Variants in HSDL2 observed in about 807,000 individuals in gnomAD.
The protein encoded by HSDL2 is hydroxysteroid dehydrogenase like 2.
A neutral mutation model predicts 46.3 loss-of-function variants in HSDL2; 27 were observed. The observed-to-expected ratio is 0.58, with a 90% confidence interval of 0.43 to 0.80. The LOEUF (loss-of-function observed/expected upper bound fraction) is 0.80. Among genes scored for constraint, HSDL2 ranks in the 30% least tolerant of loss-of-function variants. The pLI is 0.00. For synonymous variants in HSDL2, 153 were observed against 163.6 expected, an observed-to-expected ratio of 0.94 and a Z score of 0.50; for missense variants, 451 against 502.7, an observed-to-expected ratio of 0.90 and a Z score of 0.98.
At chr9:112,426,160 T>C (rs572291383) in intron 6 of HSDL2, among the ~76,000 whole-genome samples, 1 of 152,206 alleles carries the variant, frequency 6.6e-6, no homozygotes, top group South Asian at 2.1e-4. Context: ...ATAGCCTCTG[T>C]AGTCCGTGGG....
intron 4 of HSDL2, among the ~76,000 whole-genome samples, chr9:112,413,288 G>A (rs1055133991): frequency 1.3e-5 from 2 of 151,968 alleles, no homozygotes; most frequent in African/African-American, 4.8e-5. Context: ...AGACCAGCCC[G>A]ACGAACATGG....
intron 6 of HSDL2, among the ~76,000 whole-genome samples, chr9:112,437,410 T>C (rs1035992409): frequency 2.6e-5 from 4 of 152,148 alleles, no homozygotes; most frequent in Admixed American, 6.5e-5. Context: ...GAGATGCCCA[T>C]GCTTTATATT....
At chr9:112,459,713 C>A (rs1354959223) in intron 10 of HSDL2, 136 bp downstream of exon 10, 4 of 684,440 alleles carry the variant, frequency 5.8e-6, no homozygotes, top group Non-Finnish European at 7.4e-6. Flanking sequence ...GAAGGCTGTT[C>A]TTACTGTTGC....
Position 112,392,830 on chromosome 9 carries a change from A to G in HSDL2, c.18-11165A>G, listed in dbSNP as rs191700637. 5.3e-3 allele frequency among the ~76,000 whole-genome samples: 810 copies of G among 152,354 alleles called. 10 individuals are homozygous for G. The highest frequency in any genetic ancestry group is 0.018 in the African/African-American group (765 of 41,586). Reference sequence around the variant, plus strand: ...GAGGTGACGTACATCCTCAGCTTACAAAGATAACAGGGTTAAGAGATTAAA... The same window carrying G: ...GAGGTGACGTACATCCTCAGCTTACGAAGATAACAGGGTTAAGAGATTAAA... On this transcript the variant is annotated intron_variant, in intron 1 of 10. Transcript: ENST00000398805.
At chr9:112,386,091 TA>T (rs1831212107) in intron 1 of HSDL2, among the ~76,000 whole-genome samples, 1 of 152,020 alleles carries the variant, frequency 6.6e-6, no homozygotes, top group Non-Finnish European at 1.5e-5. Context: ...ATTAAAAAAA[TA>T]TTTTTTTGGT....
At chr9:112,395,269 G>T (rs564503882) in intron 1 of HSDL2, among the ~76,000 whole-genome samples, 1 of 152,326 alleles carries the variant, frequency 6.6e-6, no homozygotes, top group South Asian at 2.1e-4. Flanking sequence ...GATCTCACCA[G>T]GTATGAGGGC....
At chr9:112,406,616 G>A (rs1393516325) in intron 3 of HSDL2, among the ~76,000 whole-genome samples, 2 of 151,780 alleles carry the variant, frequency 1.3e-5, no homozygotes, top group Non-Finnish European at 2.9e-5. Context: ...GATTACAGGC[G>A]CCTGCCACCA....
intron 1 of HSDL2, among the ~76,000 whole-genome samples, chr9:112,385,181 T>TA (rs1392475314): frequency 4.6e-5 from 7 of 152,112 alleles, no homozygotes; most frequent in African/African-American, 1.7e-4. Context: ...AAGGAAGGGA[T>TA]AGTTTTTCAC....
At chr9:112,405,588 C>G in intron 2 of HSDL2, 36 bp from the exon 3 acceptor site, 1 of 1,420,872 alleles carries the variant, frequency 7.0e-7, no homozygotes, top group Admixed American at 1.9e-5. Context: ...TATTTAAATG[C>G]TTTAACGCTT....
At chr9:112,390,264 G>C (rs1381721178) in intron 1 of HSDL2, among the ~76,000 whole-genome samples, 1 of 152,022 alleles carries the variant, frequency 6.6e-6, no homozygotes, top group East Asian at 1.9e-4. Flanking sequence ...GTACAGAATA[G>C]AGAGTCCAAA....
chr9:112,452,155 AT>A (rs914252977), intron 8 of HSDL2, among the ~76,000 whole-genome samples: 2 of 152,090 alleles, frequency 1.3e-5, no homozygotes, highest in Admixed American at 1.3e-4. Context: ...AAGGAAAATG[AT>A]TTTTTTTATT....
At chr9:112,437,135 T>A (rs1832545893) in intron 6 of HSDL2, among the ~76,000 whole-genome samples, 2 of 151,886 alleles carry the variant, frequency 1.3e-5, no homozygotes. Flanking sequence ...AATTTTTGTA[T>A]TTTTAGTAGA....
rs1393388090 is a variant in HSDL2 at position 112,438,529 on chromosome 9, C to G, written c.697C>G (p.Gln233Glu). The change falls in exon 7 of 11, where the codon CAA (glutamine) becomes GAA (glutamate). Residue 233 changes from glutamine to glutamate, a missense_variant. By Grantham distance (29) the Gln-to-Glu change is conservative. Transcript: ENST00000398805. The stretch of plus-strand genomic sequence containing the variant: ...TGCAGATGCAGCATATTCCATTTTC[C>G]AAAAGCCAAAAAGTTTTACTGGCAA... ...IIADAAYSIFQKPKSFTGNFV... is the reference protein window; with the variant it reads ...IIADAAYSIFEKPKSFTGNFV... 4.3e-6 allele frequency: 7 copies of G among 1,612,124 alleles called. No homozygotes were observed. Among genetic ancestry groups the G allele is most frequent in the Non-Finnish European group, 5.1e-6 (6 of 1,179,142 alleles).
At chr9:112,416,165 T>G (rs868383904) in intron 4 of HSDL2, among the ~76,000 whole-genome samples, 1 of 150,670 alleles carries the variant, frequency 6.6e-6, no homozygotes, top group South Asian at 2.1e-4. Context: ...ATCCTAGTAC[T>G]TTGGGAGGCT....
At chr9:112,415,306 A>G (rs915233005) in intron 4 of HSDL2, among the ~76,000 whole-genome samples, 7 of 152,248 alleles carry the variant, frequency 4.6e-5, no homozygotes, top group Non-Finnish European at 1.0e-4. Flanking sequence ...AAATCAGCAT[A>G]CATAATACTA....
intron 3 of HSDL2, 135 bp from the exon 4 acceptor site, chr9:112,408,772 C>A: frequency 1.8e-6 from 1 of 550,878 alleles, no homozygotes; most frequent in South Asian, 2.4e-5. Context: ...CGTATATGGG[C>A]CATTGTTGAT....
intron 1 of HSDL2, among the ~76,000 whole-genome samples, chr9:112,380,716 T>A (rs542419357): frequency 6.6e-6 from 1 of 152,322 alleles, no homozygotes; most frequent in South Asian, 2.1e-4. Context: ...ATCTGCCATC[T>A]TAACCGTTTT....
At chr9:112,404,902 A>G (rs1831689761) in intron 2 of HSDL2, among the ~76,000 whole-genome samples, 1 of 129,692 alleles carries the variant, frequency 7.7e-6, no homozygotes, top group African/African-American at 3.0e-5. Flanking sequence ...GCTTTAAAAC[A>G]CACCAGCAAA....
intron 9 of HSDL2, among the ~76,000 whole-genome samples, chr9:112,455,516 T>C (rs545586554): frequency 6.6e-6 from 1 of 152,112 alleles, no homozygotes; most frequent in East Asian, 1.9e-4. Flanking sequence ...CTCTGGCTGC[T>C]CCACAGTTGT....
Sources: allele counts gnomAD v4.1 joint callset (sites outside exome capture counted in the v4.1 genomes callset), GRCh38; gene constraint gnomAD v4.1.1; transcripts MANE v1.5; gene names NCBI Gene and HGNC (gene_info 2026-07-23, HGNC 2026-07-21).